FCHO2: variants seen among roughly 807,000 people sequenced by gnomAD.
The protein encoded by FCHO2 is FCH and mu domain containing endocytic adaptor 2, also known as F-BAR domain only protein 2.
FCHO2 carries 43 observed loss-of-function variants against 114.1 expected under a neutral mutation model. The ratio of observed to expected loss-of-function variants is 0.38; its 90% CI spans 0.30 to 0.49. The LOEUF is 0.49. Among genes scored for constraint, FCHO2 ranks in the 20% least tolerant of loss-of-function variants. The probability of loss-of-function intolerance (pLI) is 0.97; values close to 1 mark genes in which losing one functional copy is unlikely to be tolerated. For synonymous variants in FCHO2, 293 were observed against 315.2 expected, an observed-to-expected ratio of 0.93 and a Z score of 0.75; for missense variants, 807 against 950.4, an observed-to-expected ratio of 0.85 and a Z score of 1.98.
intron 1 of FCHO2, among the ~76,000 whole-genome samples, chr5:72,966,774 T>C (rs922947545): frequency 6.6e-6 from 1 of 152,256 alleles, no homozygotes; most frequent in Non-Finnish European, 1.5e-5. Context: ...TATAACACTT[T>C]CCAACAAATA....
chr5:73,051,691 C>T (rs1757346397), intron 12 of FCHO2, among the ~76,000 whole-genome samples: 2 of 152,030 alleles, frequency 1.3e-5, no homozygotes, highest in Middle Eastern at 3.4e-3. Context: ...CTCAGTCCCC[C>T]AAGTAGCTTG....
intron 1 of FCHO2, among the ~76,000 whole-genome samples, chr5:72,966,039 A>G (rs1276044594): frequency 6.6e-6 from 1 of 152,192 alleles, no homozygotes; most frequent in African/African-American, 2.4e-5. Flanking sequence ...ATTATACAAT[A>G]TACAATCTAT....
chr5:73,082,260 C>T (rs79580181), intron 23 of FCHO2, among the ~76,000 whole-genome samples: 6 of 140,350 alleles, frequency 4.3e-5, no homozygotes, highest in African/African-American at 5.2e-5. Context: ...CTCTAAACTT[C>T]TTTTTTTTTT....
At chr5:73,055,610 A>G (rs981746136) in intron 15 of FCHO2, among the ~76,000 whole-genome samples, 2 of 152,198 alleles carry the variant, frequency 1.3e-5, no homozygotes, top group Non-Finnish European at 2.9e-5. Context: ...TTGCTGTAAG[A>G]TTCTTAATTT....
intron 1 of FCHO2, among the ~76,000 whole-genome samples, chr5:72,961,312 A>G (rs1183494097): frequency 6.6e-6 from 1 of 152,166 alleles, no homozygotes; most frequent in African/African-American, 2.4e-5. Flanking sequence ...TAAAATATAT[A>G]TCTTTAGCAA....
intron 1 of FCHO2, among the ~76,000 whole-genome samples, chr5:72,966,879 C>G (rs1413922127): frequency 6.6e-6 from 1 of 152,144 alleles, no homozygotes; most frequent in Admixed American, 6.5e-5. Flanking sequence ...TTTATTTCAT[C>G]GAATAAATTG....
intron 10 of FCHO2, chr5:73,037,757 C>A (rs1756594167): frequency 2.6e-6 from 1 of 391,328 alleles, no homozygotes; most frequent in South Asian, 1.9e-5. Flanking sequence ...TCTGATTTAC[C>A]TTCTTTTTTT....
chr5:72,956,206 C>A, intron 1 of FCHO2, 77 bp downstream of exon 1: 1 of 1,410,220 alleles, frequency 7.1e-7, no homozygotes, highest in Non-Finnish European at 9.6e-7. Context: ...GCGTGCGCTT[C>A]GGGCGGCGGC....
chr5:72,989,215 A>G (rs2112664921), intron 2 of FCHO2, among the ~76,000 whole-genome samples: 1 of 152,300 alleles, frequency 6.6e-6, no homozygotes, highest in South Asian at 2.1e-4. Context: ...TTTAAAAAAA[A>G]ATTTGTGTGT....
intron 17 of FCHO2, among the ~76,000 whole-genome samples, chr5:73,060,576 T>A (rs900088503): frequency 2.6e-5 from 4 of 152,162 alleles, no homozygotes; most frequent in African/African-American, 9.6e-5. Context: ...TTCTTTGCAA[T>A]GCACTTCTCT....
At chr5:73,012,988 C>T (rs899242268) in intron 6 of FCHO2, among the ~76,000 whole-genome samples, 4 of 152,130 alleles carry the variant, frequency 2.6e-5, no homozygotes, top group African/African-American at 9.7e-5. Flanking sequence ...AATTAAGGGT[C>T]ATTCAAATGA....
chr5:72,980,843 ATG>A (rs1753167602), intron 2 of FCHO2, among the ~76,000 whole-genome samples: 1 of 152,016 alleles, frequency 6.6e-6, no homozygotes, highest in African/African-American at 2.4e-5. Flanking sequence ...GTGTCTTTGC[ATG>A]TGAGATGGGT....
chr5:73,029,010 G>A (rs1016208452), intron 8 of FCHO2, among the ~76,000 whole-genome samples: 1 of 152,138 alleles, frequency 6.6e-6, no homozygotes, highest in African/African-American at 2.4e-5. Context: ...GTGACAGAAA[G>A]CAGATCAGTG....
chr5:73,058,458 TG>T lies in FCHO2; in HGVS notation c.1282del (p.Asp428ThrfsTer16). The T allele has an allele frequency of 6.4e-7, 1 of 1,573,124 alleles. No homozygotes were observed. The highest frequency in any genetic ancestry group is 1.2e-5 in the South Asian group (1 of 83,728). ...NEKGTSDLLA[W>X]DPLFGPSLDS... Reference sequence around the variant, plus strand: ...AAAAGGAACCAGTGATTTACTTGCTTGGGACCCCCTATTTGGACCATCTCTT... The same window carrying T: ...AAAAGGAACCAGTGATTTACTTGCTTGGACCCCCTATTTGGACCATCTCTT... On this transcript the variant is annotated frameshift_variant, in exon 17 of 26. Coordinates refer to ENST00000430046, the MANE Select transcript of FCHO2 (RefSeq NM_138782.3). LOFTEE classifies it high-confidence loss of function.
Position 72,976,478 on chromosome 5 carries a change from C to T in FCHO2, c.125+7889C>T, listed in dbSNP as rs544362476. ...CCCGCCACAGTCTCCCAAAGCTCTG[C>T]GATTACAGGAGGGAACCAGCACACC... On this transcript the variant is annotated intron_variant, in intron 2 of 25. Coordinates refer to ENST00000430046, the MANE Select transcript of FCHO2 (RefSeq NM_138782.3). Among the ~76,000 whole-genome samples the T allele has an allele frequency of 5.9e-5, 9 of 152,130 alleles. No homozygotes were observed. In the East Asian group the frequency reaches 1.2e-3, roughly 20 times the overall value.
intron 16 of FCHO2, 145 bp from the exon 17 acceptor site, chr5:73,058,288 G>A: frequency 2.0e-6 from 1 of 499,146 alleles, no homozygotes; most frequent in Non-Finnish European, 3.5e-6. Flanking sequence ...TGGGATTACA[G>A]GTGTGAGCCA....
intron 17 of FCHO2, among the ~76,000 whole-genome samples, chr5:73,061,921 T>C (rs1757871577): frequency 6.6e-6 from 1 of 152,116 alleles, no homozygotes. Context: ...CTATTTCTTC[T>C]ACATCATCAT....
chr5:72,988,493 A>G (rs1753652910), intron 2 of FCHO2, among the ~76,000 whole-genome samples: 1 of 152,188 alleles, frequency 6.6e-6, no homozygotes, highest in Non-Finnish European at 1.5e-5. Flanking sequence ...ACATGTCTGT[A>G]GGATAATTTG....
At chr5:73,013,209 C>G (rs998713751) in intron 6 of FCHO2, among the ~76,000 whole-genome samples, 5 of 151,620 alleles carry the variant, frequency 3.3e-5, no homozygotes, top group Non-Finnish European at 5.9e-5. Context: ...CAAATTGATT[C>G]AAGTTTTTGG....
Sources: gnomAD v4.1 joint callset for allele counts (sites outside exome capture counted in the v4.1 genomes callset) on GRCh38, gnomAD v4.1.1 for gene constraint, MANE v1.5 for transcripts, NCBI Gene and HGNC (gene_info 2026-07-23, HGNC 2026-07-21) for gene names.